Variants in CCBE1 observed in about 807,000 individuals in gnomAD.
CCBE1 encodes collagen and calcium binding EGF domains 1.
A neutral mutation model predicts 50.0 loss-of-function variants in CCBE1; 37 were observed. That is an observed-to-expected ratio of 0.74 (90% CI 0.57 to 0.97). The LOEUF (loss-of-function observed/expected upper bound fraction) is 0.97, where lower values mean the gene tolerates loss of function less well. Among genes scored for constraint, CCBE1 ranks in the 50% least tolerant of loss-of-function variants. CCBE1 has a pLI of 0.00. For synonymous variants in CCBE1, 234 were observed against 203.7 expected, an observed-to-expected ratio of 1.15 and a Z score of -1.27; for missense variants, 538 against 523.8, an observed-to-expected ratio of 1.03 and a Z score of -0.26.
chr18:59,580,737 A>G (rs1285308567), intron 2 of CCBE1, among the ~76,000 whole-genome samples: 1 of 152,186 alleles, frequency 6.6e-6, no homozygotes, highest in African/African-American at 2.4e-5. Context: ...CTCACTTCCA[A>G]CATTTTACAT....
intron 5 of CCBE1, among the ~76,000 whole-genome samples, chr18:59,456,758 C>T (rs1177731378): frequency 1.3e-5 from 2 of 152,240 alleles, no homozygotes; most frequent in Non-Finnish European, 2.9e-5. Flanking sequence ...CACAGCCCGA[C>T]TGCCCAGTCC....
intron 2 of CCBE1, among the ~76,000 whole-genome samples, chr18:59,488,510 G>A (rs569177966): frequency 6.6e-6 from 1 of 152,190 alleles, no homozygotes; most frequent in South Asian, 2.1e-4. Context: ...TATTAAATGG[G>A]GCTAAGGTAA....
chr18:59,567,126 CT>C (rs562135967), intron 2 of CCBE1, among the ~76,000 whole-genome samples: 1 of 150,994 alleles, frequency 6.6e-6, no homozygotes, highest in African/African-American at 2.4e-5. Flanking sequence ...CTTTTCTTTT[CT>C]TTTTTTTTGA....
In CCBE1 at chr18:59,551,040, GAAAAGAAAA is replaced by G. The variant is rs1915910040; in HGVS notation, c.213-70811_213-70803del. On this transcript the variant is annotated intron_variant, in intron 2 of 10. Transcript: ENST00000439986. ...AAAAAAAAAAAAAAAGAAAAGAAAAGAAAAGAAAAAAAAGAAAAAAGAAAAATAAAAATA... is the reference window on the plus strand; with the variant it reads ...AAAAAAAAAAAAAAAGAAAAGAAAAGAAAAGAAAAAAGAAAAATAAAAATA... Among the ~76,000 whole-genome samples, 6 of 111,042 alleles carry G rather than the reference GAAAAGAAAA, an allele frequency of 5.4e-5. No homozygotes were observed. The Admixed American group carries it at 5.9e-4, about 11-fold the overall frequency. The allele number at this position is 111,042 out of a possible 152,430, so 72.8% of individuals were successfully genotyped here.
At chr18:59,671,317 C>A (rs1037823518) in intron 2 of CCBE1, among the ~76,000 whole-genome samples, 1 of 151,966 alleles carries the variant, frequency 6.6e-6, no homozygotes, top group African/African-American at 2.4e-5. Context: ...GCCTGGGCAA[C>A]AGGGCAAAAC....
intron 2 of CCBE1, among the ~76,000 whole-genome samples, chr18:59,486,742 G>A (rs1489949651): frequency 6.6e-6 from 1 of 152,158 alleles, no homozygotes; most frequent in Admixed American, 6.5e-5. Context: ...CAAGTCTGGT[G>A]AGAAGGAAGA....
At position 59,507,284 on chromosome 18, in the gene CCBE1, C is replaced by CT. The variant is rs1913919556; in HGVS notation, c.213-27047dup. Among the ~76,000 whole-genome samples the CT allele has an allele frequency of 2.0e-5, 3 of 152,340 alleles. No homozygotes were observed. The South Asian group carries it at 6.2e-4, about 32-fold the overall frequency. On this transcript the variant is annotated intron_variant, in intron 2 of 10. Coordinates refer to ENST00000439986, the MANE Select transcript of CCBE1 (RefSeq NM_133459.4). ...AAGCCCTGTCAGTTTTAACATGCTG[C>CT]TTCTCACCTATGTCTCTCCATTTCT...
intron 2 of CCBE1, among the ~76,000 whole-genome samples, chr18:59,545,535 G>A (rs1444045191): frequency 6.6e-6 from 1 of 152,152 alleles, no homozygotes; most frequent in African/African-American, 2.4e-5. Context: ...TACTAGTATA[G>A]ATTTATCATT....
chr18:59,458,502 A>G (rs992488195), intron 5 of CCBE1, among the ~76,000 whole-genome samples: 1 of 152,276 alleles, frequency 6.6e-6, no homozygotes, highest in Admixed American at 6.5e-5. Context: ...TCATGATAAG[A>G]TAAACCTCTT....
intron 2 of CCBE1, among the ~76,000 whole-genome samples, chr18:59,606,958 C>G (rs2053506441): frequency 6.6e-6 from 1 of 151,606 alleles, no homozygotes; most frequent in African/African-American, 2.4e-5. Context: ...GTTTCCCAAG[C>G]TAGACTGTCC....
At chr18:59,529,870 G>C (rs1914981265) in intron 2 of CCBE1, among the ~76,000 whole-genome samples, 1 of 152,104 alleles carries the variant, frequency 6.6e-6, no homozygotes, top group African/African-American at 2.4e-5. Context: ...TGGATCTTTT[G>C]GAAAAAACTG....
At chr18:59,655,397 G>A (rs1181117877) in intron 2 of CCBE1, among the ~76,000 whole-genome samples, 1 of 152,196 alleles carries the variant, frequency 6.6e-6, no homozygotes, top group East Asian at 1.9e-4. Flanking sequence ...GACAGAGGCT[G>A]AGCCACTGAG....
At chr18:59,673,438 G>T (rs749886403) in intron 2 of CCBE1, among the ~76,000 whole-genome samples, 1 of 152,166 alleles carries the variant, frequency 6.6e-6, no homozygotes. Context: ...GTGACAGAGT[G>T]AGACTCCATC....
chr18:59,463,274 G>GCA (rs1911579381), intron 5 of CCBE1, among the ~76,000 whole-genome samples: 1 of 152,166 alleles, frequency 6.6e-6, no homozygotes, highest in Non-Finnish European at 1.5e-5. Context: ...CCTTGTCACT[G>GCA]CACTCTGACC....
chr18:59,612,901 G>A (rs2053592372), intron 2 of CCBE1, among the ~76,000 whole-genome samples: 1 of 147,788 alleles, frequency 6.8e-6, no homozygotes, highest in South Asian at 2.2e-4. Context: ...TGGGAATAAG[G>A]AAGAAAAGAA....
intron 4 of CCBE1, 141 bp downstream of exon 4, chr18:59,469,332 G>C (rs1326525012): frequency 2.6e-6 from 3 of 1,149,654 alleles, no homozygotes; most frequent in South Asian, 2.5e-5. Flanking sequence ...TGTGATGAAG[G>C]GCAGTGATAA....
intron 2 of CCBE1, among the ~76,000 whole-genome samples, chr18:59,618,925 C>T (rs1046006042): frequency 2.0e-5 from 3 of 152,086 alleles, no homozygotes; most frequent in African/African-American, 7.2e-5. Flanking sequence ...GAGAGAATAT[C>T]TGCTACTCCA....
intron 2 of CCBE1, among the ~76,000 whole-genome samples, chr18:59,610,646 A>T (rs2053555951): frequency 6.6e-6 from 1 of 152,158 alleles, no homozygotes; most frequent in African/African-American, 2.4e-5. Flanking sequence ...GCCTTGTCTG[A>T]CCTGTTTTCC....
rs1231194323 is a variant in CCBE1 at position 59,455,048 on chromosome 18, G to C, written c.554-97C>G. On this transcript the variant is annotated intron_variant, in intron 5 of 10. Coordinates refer to ENST00000439986, the MANE Select transcript of CCBE1 (RefSeq NM_133459.4). ...GAAGGGCGGTCCCAGGGACAGAGTA[G>C]CTGACAGCGGGACATGCGAGGGCTC... 7 of 928,808 alleles carry C rather than the reference G, an allele frequency of 7.5e-6. No individual in the cohort carries two copies. The South Asian group carries it at 8.0e-5, about 11-fold the overall frequency. The allele number at this position is 928,808 out of a possible 1,614,324, so 57.5% of individuals were successfully genotyped here. A position where few individuals can be genotyped will look rare whatever the true frequency, so the allele number is the denominator to read the frequency against.
Sources: gnomAD v4.1 joint callset for allele counts (sites outside exome capture counted in the v4.1 genomes callset) on GRCh38, gnomAD v4.1.1 for gene constraint, MANE v1.5 for transcripts, NCBI Gene and HGNC (gene_info 2026-07-23, HGNC 2026-07-21) for gene names.